SECISBP2: variants seen among roughly 807,000 people sequenced by gnomAD.
SECISBP2 encodes the protein selenocysteine insertion sequence-binding protein 2.
A neutral mutation model predicts 98.2 loss-of-function variants in SECISBP2; 96 were observed. The ratio of observed to expected loss-of-function variants is 0.98; its 90% CI spans 0.83 to 1.16. SECISBP2 has a LOEUF of 1.16. SECISBP2 is among the 50% of genes most tolerant of loss of function. The probability of loss-of-function intolerance (pLI) is 0.00; values close to 1 mark genes in which losing one functional copy is unlikely to be tolerated. For synonymous variants in SECISBP2, 407 were observed against 370.2 expected (o/e 1.10, Z -1.14); for missense variants, 1,046 against 1,022.9 (o/e 1.02, Z -0.31).
At chr9:89,353,984 A>C (rs1464723207) in intron 14 of SECISBP2, among the ~76,000 whole-genome samples, 1 of 152,236 alleles carries the variant, frequency 6.6e-6, no homozygotes, top group East Asian at 1.9e-4. Flanking sequence ...TTAAAGATAA[A>C]AATTGATGTT....
downstream of SECISBP2, among the ~76,000 whole-genome samples, chr9:89,360,113 G>A (rs958698322): frequency 1.3e-5 from 2 of 152,178 alleles, no homozygotes; most frequent in African/African-American, 4.8e-5. Context: ...CATCTGTGGA[G>A]CTCACAGTGA....
chr9:89,319,877 T>A lies in SECISBP2; in HGVS notation c.182+80T>A. 4 of 1,406,190 alleles carry A rather than the reference T, an allele frequency of 2.8e-6. No homozygotes were observed. In the South Asian group the frequency reaches 4.6e-5, roughly 16 times the overall value. The allele number at this position is 1,406,190 out of a possible 1,614,324, so 87.1% of individuals were successfully genotyped here. On this transcript the variant is annotated intron_variant, in intron 2 of 16. Transcript: ENST00000375807. ...GATTAGACTTTCAAATACTCAGCAG[T>A]TACTGCACTAAAGTTCTGCAGATGA...
intron 14 of SECISBP2, 86 bp downstream of exon 14, chr9:89,350,938 C>T: frequency 2.7e-6 from 3 of 1,116,904 alleles, no homozygotes; most frequent in South Asian, 2.5e-5. Flanking sequence ...CCTCAGCGGC[C>T]CATGCCACAG....
intron 14 of SECISBP2, among the ~76,000 whole-genome samples, chr9:89,352,459 T>C (rs1002549902): frequency 2.0e-5 from 3 of 152,350 alleles, no homozygotes; most frequent in East Asian, 1.9e-4. Context: ...AAGGTCTTGC[T>C]TGAAATCCAG....
At chr9:89,363,434 G>A (rs772816288), downstream of SECISBP2, 23 of 1,612,850 alleles carry the variant, frequency 1.4e-5, no homozygotes, top group Non-Finnish European at 1.9e-5. Flanking sequence ...ACTTACCCAC[G>A]CCTTCCTCCA....
In SECISBP2 at chr9:89,338,517, A is replaced by G. The variant is rs1829144010; in HGVS notation, c.1149A>G (p.Lys383=). The G allele has an allele frequency of 6.2e-7, 1 of 1,613,394 alleles. No homozygotes were observed. The highest frequency in any genetic ancestry group is 2.2e-5 in the East Asian group (1 of 44,844). Residue 383 remains lysine (K), a synonymous_variant, in exon 8 of 17, where the codon AAA becomes AAG. Transcript: ENST00000375807. Reference sequence around the variant, plus strand: ...ATGAAGCCTCAAGAAAGAATAAGAAAAAGAAAGAAAAATCTACATCAAAAT... The same window carrying G: ...ATGAAGCCTCAAGAAAGAATAAGAAGAAGAAAGAAAAATCTACATCAAAAT... ...EQNEASRKNK[K]KKEKSTSKYE...
downstream of SECISBP2, among the ~76,000 whole-genome samples, chr9:89,362,828 A>G (rs1278736740): frequency 6.6e-6 from 1 of 152,132 alleles, no homozygotes; most frequent in Non-Finnish European, 1.5e-5. Flanking sequence ...AGGTGGTAGC[A>G]CACAGTGATG....
chr9:89,327,816 T>G (rs1827020297), intron 4 of SECISBP2, among the ~76,000 whole-genome samples: 1 of 151,272 alleles, frequency 6.6e-6, no homozygotes, highest in African/African-American at 2.4e-5. Flanking sequence ...TTTTGTGTTT[T>G]TTTTTTTTTT....
intron 8 of SECISBP2, among the ~76,000 whole-genome samples, chr9:89,338,944 C>T (rs951143489): frequency 4.6e-5 from 7 of 151,072 alleles, no homozygotes; most frequent in African/African-American, 1.7e-4. Context: ...CTTTTCTATC[C>T]AGAAGTCTTA....
At chr9:89,328,422 G>T (rs1246120704) in intron 4 of SECISBP2, among the ~76,000 whole-genome samples, 5 of 152,178 alleles carry the variant, frequency 3.3e-5, no homozygotes, top group Non-Finnish European at 7.3e-5. Flanking sequence ...ACTCCTAAAT[G>T]TACAGTGCAT....
chr9:89,321,073 C>T (rs1825720300), intron 2 of SECISBP2, among the ~76,000 whole-genome samples: 1 of 152,212 alleles, frequency 6.6e-6, no homozygotes, highest in African/African-American at 2.4e-5. Context: ...AGTTGAAACA[C>T]TACCTTTATA....
downstream of SECISBP2, chr9:89,364,276 A>G: frequency 2.4e-6 from 1 of 411,958 alleles, no homozygotes; most frequent in Non-Finnish European, 4.6e-6. Context: ...GCCTTGGAAC[A>G]GCATCCCACC....
intron 15 of SECISBP2, 83 bp from the exon 16 acceptor site, chr9:89,357,914 CTG>C (rs1163150805): frequency 7.1e-7 from 1 of 1,403,160 alleles, no homozygotes; most frequent in African/African-American, 1.4e-5. Context: ...CCCTGCTTCT[CTG>C]TGGAGGTGGC....
chr9:89,332,915 T>G lies in SECISBP2; in HGVS notation c.809T>G (p.Ile270Arg), dbSNP rs758016306. 8.7e-6 allele frequency: 14 copies of G among 1,613,310 alleles called. No homozygotes were observed. Reference sequence around the variant, plus strand: ...AATGTGTTTGCTTTTTAGGGTGAAATAGTGGTGAAAAATAACCCAAATGAA... The same window carrying G: ...AATGTGTTTGCTTTTTAGGGTGAAAGAGTGGTGAAAAATAACCCAAATGAA... ...KPAAVLSKGE[I>R]VVKNNPNESV... Residue 270 changes from isoleucine to arginine, a missense_variant, in exon 6 of 17, where the codon ATA becomes AGA. Coordinates refer to ENST00000375807, the MANE Select transcript of SECISBP2 (RefSeq NM_024077.5).
Position 89,348,144 on chromosome 9 carries a change from T to C in SECISBP2, c.1668T>C (p.Phe556=), listed in dbSNP as rs1438967928. 1.2e-6 allele frequency: 2 copies of C among 1,614,046 alleles called. No individual in the cohort carries two copies. Among genetic ancestry groups the C allele is most frequent in the Non-Finnish European group, 1.7e-6 (2 of 1,179,980 alleles). The part of the protein sequence containing the change: ...RLQENAVSPA[F]TSDDTQDGES... ...AAGAAAATGCTGTGAGTCCAGCTTT[T>C]ACCAGTGATGACACACAAGATGGAG... Residue 556 remains phenylalanine (F), a synonymous_variant, in exon 12 of 17, where the codon TTT becomes TTC. Transcript: ENST00000375807.
chr9:89,358,321 C>T, intron 16 of SECISBP2, 130 bp downstream of exon 16: 2 of 911,848 alleles, frequency 2.2e-6, no homozygotes, highest in Non-Finnish European at 3.5e-6. Flanking sequence ...GTAAGTCCAG[C>T]CCATTGCCTA....
chr9:89,347,465 C>CTTTTTTTTTTTTTTTTTTTTTTTT (rs1184563393), intron 11 of SECISBP2, among the ~76,000 whole-genome samples: 1 of 87,396 alleles, frequency 1.1e-5, no homozygotes, highest in Non-Finnish European at 2.2e-5. Context: ...CCGGTGAATT[C>CTTTTTTTTTTTTTTTTTTTTTTTT]TTTTTTTTTT....
At chr9:89,339,163 G>A (rs1829267599) in intron 8 of SECISBP2, among the ~76,000 whole-genome samples, 1 of 152,220 alleles carries the variant, frequency 6.6e-6, no homozygotes, top group Non-Finnish European at 1.5e-5. Flanking sequence ...ACCAGAGCAA[G>A]TGGCCTGGCT....
At chr9:89,340,891 TG>T (rs1829555814) in intron 9 of SECISBP2, among the ~76,000 whole-genome samples, 1 of 152,212 alleles carries the variant, frequency 6.6e-6, no homozygotes, top group South Asian at 2.1e-4. Context: ...TATTATTTGC[TG>T]AGTATGATTT....
Sources: allele counts gnomAD v4.1 joint callset (sites outside exome capture counted in the v4.1 genomes callset), GRCh38; gene constraint gnomAD v4.1.1; transcripts MANE v1.5; gene names NCBI Gene and HGNC (gene_info 2026-07-23, HGNC 2026-07-21).